C1QTNF5: variants seen among roughly 807,000 people sequenced by gnomAD.
The protein encoded by C1QTNF5 is complement C1q tumor necrosis factor-related protein 5.
Under a neutral mutation model 10.9 loss-of-function variants are expected in C1QTNF5, and 5 were observed. The ratio of observed to expected loss-of-function variants is 0.46; its 90% CI spans 0.24 to 0.97. The LOEUF is 0.97. C1QTNF5 is among the 50% of genes least tolerant of loss of function. The pLI, the probability that C1QTNF5 is intolerant of heterozygous loss-of-function variation, is 0.19. For synonymous variants in C1QTNF5, 161 were observed against 156.5 expected, an observed-to-expected ratio of 1.03 and a Z score of -0.22; for missense variants, 281 against 339.4, an observed-to-expected ratio of 0.83 and a Z score of 1.35.
upstream of C1QTNF5, chr11:119,345,817 G>C (rs1174328374): frequency 1.2e-6 from 2 of 1,613,894 alleles, no homozygotes; most frequent in East Asian, 2.2e-5. Context: ...CTGCCCTTTA[G>C]GGGTCCCAGC....
chr11:119,344,254 A>T (rs1950534453), upstream of C1QTNF5: 1 of 1,479,330 alleles, frequency 6.8e-7, no homozygotes, highest in Non-Finnish European at 9.5e-7. Context: ...CATTACACTA[A>T]CTTGGGGATC....
At chr11:119,345,648 G>A (rs766474207), upstream of C1QTNF5, 5 of 1,613,366 alleles carry the variant, frequency 3.1e-6, no homozygotes, top group Middle Eastern at 1.6e-4. Context: ...AGAGATGGAG[G>A]TTAGAGTTCA....
At chr11:119,343,537 A>G (rs1463828204), upstream of C1QTNF5, among the ~76,000 whole-genome samples, 2 of 152,004 alleles carry the variant, frequency 1.3e-5, no homozygotes, top group Admixed American at 6.5e-5. Flanking sequence ...GAAAAAGAAA[A>G]ATCAATGAGG....
intron 2 of C1QTNF5, 75 bp downstream of exon 2, chr11:119,340,109 C>A: frequency 6.9e-7 from 1 of 1,450,790 alleles, no homozygotes. Context: ...ACCCGAGTCC[C>A]GGACACCGGG....
chr11:119,340,037 C>T lies in C1QTNF5; in HGVS notation c.214+147G>A, dbSNP rs150846841. The T allele has an allele frequency of 1.3e-3, 1,584 of 1,253,256 alleles. 15 individuals are homozygous for T. The African/African-American group carries it at 0.022, about 18-fold the overall frequency. The allele number at this position is 1,253,256 out of a possible 1,614,324, so 77.6% of individuals were successfully genotyped here. On this transcript the variant is annotated intron_variant, in intron 2 of 2. Transcript: ENST00000528368. ...GGGGGCTGGCCAAGGGGGCTCCCGC[C>T]GCCTGGGCCCCTCCCCCGCTCAGGG...
At chr11:119,340,101 C>T in intron 2 of C1QTNF5, 83 bp downstream of exon 2, 1 of 1,430,142 alleles carries the variant, frequency 7.0e-7, no homozygotes, top group South Asian at 1.4e-5. Context: ...GGCGGGAGAC[C>T]CGAGTCCCGG....
chr11:119,341,467 C>G, upstream of C1QTNF5: 1 of 1,223,744 alleles, frequency 8.2e-7, no homozygotes, highest in Non-Finnish European at 1.2e-6. Flanking sequence ...CCTGCTGATG[C>G]TCCTTCCTTT....
chr11:119,341,291 A>T (rs1203230213), upstream of C1QTNF5: 1 of 548,818 alleles, frequency 1.8e-6, no homozygotes, highest in Non-Finnish European at 3.3e-6. Flanking sequence ...AGAGGCCTGG[A>T]TGGGAAGTGG....
chr11:119,341,289 G>T, upstream of C1QTNF5: 1 of 547,678 alleles, frequency 1.8e-6, no homozygotes. Context: ...GAAGAGGCCT[G>T]GATGGGAAGT....
At chr11:119,344,000 C>G (rs45575342), upstream of C1QTNF5, 3 of 1,608,876 alleles carry the variant, frequency 1.9e-6, no homozygotes, top group Admixed American at 1.7e-5. Flanking sequence ...TTCATGGCCC[C>G]TTCTCCTGTC....
At chr11:119,342,797 A>G, upstream of C1QTNF5, 1 of 1,612,952 alleles carries the variant, frequency 6.2e-7, no homozygotes, top group Non-Finnish European at 8.5e-7. Context: ...GAGTGTCCTG[A>G]CCAGGGTCCA....
chr11:119,345,489 A>T, upstream of C1QTNF5: 10 of 1,614,102 alleles, frequency 6.2e-6, no homozygotes, highest in Non-Finnish European at 8.5e-6. Context: ...CACACTCTCT[A>T]TGCTGAGGGC....
At chr11:119,340,050 C>T (rs1950485084) in intron 2 of C1QTNF5, 134 bp downstream of exon 2, 1 of 1,279,402 alleles carries the variant, frequency 7.8e-7, no homozygotes, top group East Asian at 2.9e-5. Flanking sequence ...CTGGGCCCCT[C>T]CCCCGCTCAG....
At chr11:119,342,311 G>T (rs1329369264), upstream of C1QTNF5, among the ~76,000 whole-genome samples, 2 of 152,230 alleles carry the variant, frequency 1.3e-5, no homozygotes, top group Non-Finnish European at 2.9e-5. Flanking sequence ...TTCATCTTTG[G>T]TGTGGGCTGT....
At chr11:119,344,803 CT>C (rs759729487), upstream of C1QTNF5, 2 of 1,613,760 alleles carry the variant, frequency 1.2e-6, no homozygotes, top group South Asian at 2.2e-5. Flanking sequence ...GTCTCCACCC[CT>C]TTGACAGGAC....
At chr11:119,346,222 G>C in the C1QTNF5 span, 4 of 1,569,494 alleles carry the variant, frequency 2.5e-6, no homozygotes, top group Admixed American at 7.5e-5. Flanking sequence ...TGCTGTCCTT[G>C]GCTCCTGGGC....
chr11:119,341,375 G>T, upstream of C1QTNF5: 1 of 615,986 alleles, frequency 1.6e-6, no homozygotes. Context: ...AAGGAGCAGG[G>T]AGGGTGGTAG....
upstream of C1QTNF5, chr11:119,343,837 C>T (rs1424939913): frequency 6.2e-6 from 10 of 1,613,822 alleles, no homozygotes; most frequent in African/African-American, 4.0e-5. Flanking sequence ...GCTGAAGGCC[C>T]CTGAGCTGCT....
upstream of C1QTNF5, chr11:119,344,949 C>G (rs1418119482): frequency 6.2e-7 from 1 of 1,610,166 alleles, no homozygotes; most frequent in Non-Finnish European, 8.5e-7. Context: ...ACGAAGACCA[C>G]CAGGAGGTGG....
Sources: gnomAD v4.1 joint callset for allele counts (sites outside exome capture counted in the v4.1 genomes callset) on GRCh38, gnomAD v4.1.1 for gene constraint, MANE v1.5 for transcripts, NCBI Gene and HGNC (gene_info 2026-07-23, HGNC 2026-07-21) for gene names.